The following COX10 variants were observed in gnomAD, a reference collection of about 807,000 sequenced individuals.
The protein encoded by COX10 is protoheme IX farnesyltransferase, mitochondrial.
COX10 carries 27 observed loss-of-function variants against 37.3 expected under a neutral mutation model. The ratio of observed to expected loss-of-function variants is 0.72; its 90% CI spans 0.53 to 1.00. The LOEUF (loss-of-function observed/expected upper bound fraction) is 1.00, where lower values mean the gene tolerates loss of function less well. Ranked by LOEUF, COX10 falls within the 50% of genes least tolerant of loss-of-function variation. COX10 has a pLI of 0.00. For synonymous variants in COX10, 222 were observed against 229.1 expected (o/e 0.97, Z 0.28); for missense variants, 475 against 563.2 (o/e 0.84, Z 1.59).
At chr17:14,137,022 T>C (rs903881836) in intron 4 of COX10, among the ~76,000 whole-genome samples, 1 of 152,082 alleles carries the variant, frequency 6.6e-6, no homozygotes, top group Non-Finnish European at 1.5e-5. Flanking sequence ...GTGAGGAATT[T>C]AATGGGTAAA....
intron 5 of COX10, among the ~76,000 whole-genome samples, chr17:14,167,011 A>C (rs996039389): frequency 6.6e-6 from 1 of 151,816 alleles, no homozygotes; most frequent in African/African-American, 2.4e-5. Flanking sequence ...CAAATTAAAA[A>C]CTGTCTGGAA....
chr17:14,148,232 A>G (rs541226370), intron 4 of COX10, among the ~76,000 whole-genome samples: 1 of 152,296 alleles, frequency 6.6e-6, no homozygotes, highest in African/African-American at 2.4e-5. Context: ...GAGCACACAC[A>G]TTCATTATTT....
chr17:14,076,937 T>C lies in COX10; in HGVS notation c.380T>C (p.Ile127Thr), dbSNP rs201424119. The part of the protein sequence containing the change: ...ELIELEPDSV[I>T]EDSIDVGKET... ...ATAGAACTAGAGCCAGACTCAGTAA[T>C]TGAAGACTCAATAGATGTAGGGAAA... Residue 127 changes from isoleucine (I) to threonine (T), a missense_variant, in exon 3 of 7, where the codon ATT (isoleucine) becomes ACT (threonine). By Grantham distance (89) the Ile-to-Thr change is moderately conservative. Around this residue, in one of 5 missense-constraint regions of COX10, gnomAD observed 242 missense variants for 242.5 expected, o/e 1.00. Transcript: ENST00000261643. 7 of 1,614,190 alleles carry C rather than the reference T, an allele frequency of 4.3e-6. No homozygotes were observed. Among genetic ancestry groups the C allele is most frequent in the Admixed American group, 1.7e-5 (1 of 60,012 alleles).
chr17:14,110,333 G>A (rs967741630), intron 4 of COX10, among the ~76,000 whole-genome samples: 15 of 152,118 alleles, frequency 9.9e-5, no homozygotes, highest in African/African-American at 3.6e-4. Flanking sequence ...GGGTTCAGCA[G>A]ACATTGATTT....
chr17:14,188,807 T>C (rs1906115762), intron 5 of COX10, among the ~76,000 whole-genome samples: 1 of 151,948 alleles, frequency 6.6e-6, no homozygotes, highest in African/African-American at 2.4e-5. Context: ...AAGAACTCTC[T>C]GGGGAAGCTT....
Position 14,074,431 on chromosome 17 carries a change from A to G in COX10, c.152A>G (p.Gln51Arg), listed in dbSNP as rs372205534. ...RNVNKQWITF[Q>R]HFSFLKRMYV... ...GTCAATAAGCAGTGGATTACATTTC[A>G]GCACTTTAGCTTCCTCAAACGCATG... The change falls in exon 2 of 7, where the codon CAG becomes CGG. Residue 51 changes from glutamine (Q) to arginine (R), a missense_variant. Gln to Arg is a conservative substitution (Grantham distance 43). Transcript: ENST00000261643. 6.2e-7 allele frequency: 1 copy of G among 1,613,972 alleles called. No homozygotes were observed. The highest frequency in any genetic ancestry group is 8.5e-7 in the Non-Finnish European group (1 of 1,179,846).
At chr17:14,166,365 A>C (rs1302752662) in intron 5 of COX10, among the ~76,000 whole-genome samples, 4 of 152,192 alleles carry the variant, frequency 2.6e-5, no homozygotes, top group African/African-American at 7.2e-5. Context: ...CACTAAATCT[A>C]TTCTGCCTGT....
chr17:14,116,008 C>T (rs1002607748), intron 4 of COX10, among the ~76,000 whole-genome samples: 4 of 152,094 alleles, frequency 2.6e-5, no homozygotes, highest in Non-Finnish European at 5.9e-5. Context: ...CTACCCCATA[C>T]ATTTATTTTT....
At chr17:14,198,004 C>T (rs192921466) in intron 6 of COX10, among the ~76,000 whole-genome samples, 3 of 152,226 alleles carry the variant, frequency 2.0e-5, no homozygotes, top group Admixed American at 1.3e-4. Context: ...TTAATTCAGC[C>T]TAACTGCTGT....
intron 5 of COX10, among the ~76,000 whole-genome samples, chr17:14,189,960 A>G (rs1906151102): frequency 1.3e-5 from 2 of 152,230 alleles, no homozygotes; most frequent in African/African-American, 2.4e-5. Context: ...GTAGAGATAG[A>G]AGATAAAAGA....
At chr17:14,124,980 C>G (rs903250416) in intron 4 of COX10, among the ~76,000 whole-genome samples, 2 of 152,154 alleles carry the variant, frequency 1.3e-5, no homozygotes, top group African/African-American at 4.8e-5. Flanking sequence ...CTAGTTTTCA[C>G]TTTGGAGTGA....
chr17:14,107,126 G>A (rs958527914), intron 4 of COX10, among the ~76,000 whole-genome samples: 1 of 151,988 alleles, frequency 6.6e-6, no homozygotes, highest in African/African-American at 2.4e-5. Flanking sequence ...ACCCCCACTT[G>A]TGACAGCTGA....
chr17:14,125,614 T>C (rs1377190696), intron 4 of COX10, among the ~76,000 whole-genome samples: 1 of 152,200 alleles, frequency 6.6e-6, no homozygotes, highest in African/African-American at 2.4e-5. Flanking sequence ...GTGTTAGTAG[T>C]TGAGGCATGT....
intron 1 of COX10, among the ~76,000 whole-genome samples, chr17:14,071,392 T>C (rs1168774461): frequency 1.3e-5 from 2 of 152,064 alleles, no homozygotes; most frequent in African/African-American, 2.4e-5. Context: ...GTGAACATAA[T>C]TGCCAAAAAC....
intron 6 of COX10, among the ~76,000 whole-genome samples, chr17:14,199,371 G>A (rs1199149116): frequency 1.3e-5 from 2 of 152,216 alleles, no homozygotes; most frequent in Non-Finnish European, 2.9e-5. Flanking sequence ...TCCAATATGA[G>A]CTAAGGGAGT....
chr17:14,207,926 A>C lies in COX10; in HGVS notation c.*713A>C, dbSNP rs1348978006. 3 of 152,386 alleles carry C rather than the reference A, an allele frequency of 2.0e-5. No individual in the cohort carries two copies. Among genetic ancestry groups the C allele is most frequent in the African/African-American group, 7.2e-5 (3 of 41,450 alleles). 9.4% of individuals were successfully genotyped at this position (152,386 alleles called of 1,614,324 possible). A position where few individuals can be genotyped will look rare whatever the true frequency, so the allele number is the denominator to read the frequency against. ...ATCTTTATAGTTCACGTTAACATAT[A>C]GACACTGTTGGAAGCAGTTCCTTCT... On this transcript the variant is annotated 3_prime_UTR_variant, in exon 7 of 7. Transcript: ENST00000261643.
chr17:14,193,237 C>G (rs969083207), intron 6 of COX10, among the ~76,000 whole-genome samples: 11 of 152,210 alleles, frequency 7.2e-5, no homozygotes, highest in African/African-American at 2.7e-4. Context: ...GAGCCCGACC[C>G]CACCGCTCAT....
intron 5 of COX10, among the ~76,000 whole-genome samples, chr17:14,161,264 C>T (rs1226273850): frequency 6.6e-6 from 1 of 152,202 alleles, no homozygotes; most frequent in Non-Finnish European, 1.5e-5. Flanking sequence ...CCAAAAGACA[C>T]AGTCCCAAAT....
intron 3 of COX10, among the ~76,000 whole-genome samples, chr17:14,096,912 G>T (rs1188545164): frequency 6.6e-6 from 1 of 152,012 alleles, no homozygotes; most frequent in Non-Finnish European, 1.5e-5. Context: ...GTCAAGCTCT[G>T]TTGGTTTGGG....
Sources: gnomAD v4.1 joint callset for allele counts (sites outside exome capture counted in the v4.1 genomes callset) on GRCh38, gnomAD v4.1.1 for gene constraint, gnomAD v4.1.1 regional missense constraint, MANE v1.5 for transcripts, NCBI Gene and HGNC (gene_info 2026-07-23, HGNC 2026-07-21) for gene names.